ST6GALNAC3: variants seen among roughly 807,000 people sequenced by gnomAD.
ST6GALNAC3 encodes alpha-N-acetylgalactosaminide alpha-2,6-sialyltransferase 3.
ST6GALNAC3 carries 25 observed loss-of-function variants against 32.7 expected under a neutral mutation model. The observed-to-expected ratio is 0.76, with a 90% CI of 0.56 to 1.07. ST6GALNAC3 has a LOEUF of 1.07. ST6GALNAC3 is among the 50% of genes least tolerant of loss of function. ST6GALNAC3 has a pLI of 0.00. For synonymous variants in ST6GALNAC3, 129 were observed against 133.1 expected (o/e 0.97, Z 0.21); for missense variants, 355 against 382.4 (o/e 0.93, Z 0.60).
rs145454785 is a variant in ST6GALNAC3 at position 76,369,415 on chromosome 1, C to T, written c.214-42593C>T. Among the ~76,000 whole-genome samples the T allele has an allele frequency of 5.9e-5, 9 of 152,218 alleles. No homozygotes were observed. The East Asian group carries it at 1.7e-3, about 29-fold the overall frequency. On this transcript the variant is annotated intron_variant, in intron 2 of 4. Coordinates refer to ENST00000328299, the MANE Select transcript of ST6GALNAC3 (RefSeq NM_152996.4). ...AGCTCACTATGTGCCAGGTATTCAC[C>T]ATCTGTAAGTGATTTACCAGTAGTA...
chr1:76,539,554 G>C (rs1200772262), intron 3 of ST6GALNAC3, among the ~76,000 whole-genome samples: 2 of 152,082 alleles, frequency 1.3e-5, no homozygotes, highest in Admixed American at 6.6e-5. Context: ...CACAGCAAAA[G>C]AAACTATTGT....
chr1:76,423,201 T>A (rs891562640), intron 3 of ST6GALNAC3, among the ~76,000 whole-genome samples: 2 of 152,000 alleles, frequency 1.3e-5, no homozygotes, highest in African/African-American at 4.8e-5. Flanking sequence ...TTACCTCCAA[T>A]AATATGTAAT....
intron 3 of ST6GALNAC3, among the ~76,000 whole-genome samples, chr1:76,429,359 TA>T (rs1263210924): frequency 6.6e-6 from 1 of 152,172 alleles, no homozygotes; most frequent in Non-Finnish European, 1.5e-5. Context: ...TTGTTAGAAT[TA>T]AACTAGAAAT....
intron 1 of ST6GALNAC3, among the ~76,000 whole-genome samples, chr1:76,250,372 A>G (rs1275155895): frequency 1.3e-5 from 2 of 152,164 alleles, no homozygotes; most frequent in African/African-American, 4.8e-5. Flanking sequence ...GCATTTGGAC[A>G]CTGCAGCAAT....
intron 3 of ST6GALNAC3, among the ~76,000 whole-genome samples, chr1:76,611,199 T>G (rs1423127404): frequency 6.6e-6 from 1 of 151,968 alleles, no homozygotes; most frequent in African/African-American, 2.4e-5. Flanking sequence ...TCTTAAGGTA[T>G]AATAATGGTC....
intron 1 of ST6GALNAC3, among the ~76,000 whole-genome samples, chr1:76,270,319 C>T (rs1175520968): frequency 6.6e-6 from 1 of 151,702 alleles, no homozygotes; most frequent in East Asian, 1.9e-4. Flanking sequence ...CCAGCTTGGC[C>T]AACATGGTGA....
intron 1 of ST6GALNAC3, among the ~76,000 whole-genome samples, chr1:76,288,249 C>G (rs1310944088): frequency 6.6e-6 from 1 of 152,172 alleles, no homozygotes; most frequent in Non-Finnish European, 1.5e-5. Flanking sequence ...TGTATCTTCT[C>G]CAACCTTATA....
rs191228599 is a variant in ST6GALNAC3, at chr1:76,449,641, T to G, written c.623+37224T>G. On this transcript the variant is annotated intron_variant, in intron 3 of 4. Coordinates refer to ENST00000328299, the MANE Select transcript of ST6GALNAC3 (RefSeq NM_152996.4). Reference sequence around the variant, plus strand: ...CCATGATATTTCATTGTTACTTTAATTTGCAATCCCCTAATGCCATATGAT... The same window carrying G: ...CCATGATATTTCATTGTTACTTTAAGTTGCAATCCCCTAATGCCATATGAT... 1.5e-3 allele frequency among the ~76,000 whole-genome samples: 231 copies of G among 152,368 alleles called. 1 individual carries two copies. Among genetic ancestry groups the G allele is most frequent in the African/African-American group, 5.4e-3 (225 of 41,590 alleles).
chr1:76,419,944 C>CTTTTTTTTTTTTTTTTTTTTTT (rs66531652), intron 3 of ST6GALNAC3, among the ~76,000 whole-genome samples: 1 of 138,804 alleles, frequency 7.2e-6, no homozygotes, highest in African/African-American at 2.7e-5. Flanking sequence ...TTCTTTCTTT[C>CTTTTTTTTTTTTTTTTTTTTTT]TTTTTTTTTT....
rs138257841 is a variant in ST6GALNAC3 at position 76,615,262 on chromosome 1, G to C, written c.624-12190G>C. On this transcript the variant is annotated intron_variant, in intron 3 of 4. Coordinates refer to ENST00000328299, the MANE Select transcript of ST6GALNAC3 (RefSeq NM_152996.4). ...GGGTGAAGCTTTCACAAAATGCCAT[G>C]CCTCATGTTTCTCCTCTGAATATGT... Among the ~76,000 whole-genome samples the C allele has an allele frequency of 2.4e-4, 36 of 152,110 alleles. No individual in the cohort carries two copies. In the East Asian group the frequency reaches 4.8e-3, roughly 20 times the overall value.
rs188017095 is a variant in ST6GALNAC3 at position 76,541,173 on chromosome 1, T to C, written c.624-86279T>C. ...AATATTGAGCAGAGAAAGCAGAAGA[T>C]GAGTCTCTAGAAGTCGGATTACAGA... is the stretch of plus-strand genomic sequence containing the variant. On this transcript the variant is annotated intron_variant, in intron 3 of 4. Coordinates refer to ENST00000328299, the MANE Select transcript of ST6GALNAC3 (RefSeq NM_152996.4). Among the ~76,000 whole-genome samples, 187 of 152,250 alleles carry C rather than the reference T, an allele frequency of 1.2e-3. 1 individual carries two copies. Among genetic ancestry groups the C allele is most frequent in the Middle Eastern group, 3.4e-3 (1 of 294 alleles).
At chr1:76,211,702 G>A (rs922337338) in intron 1 of ST6GALNAC3, among the ~76,000 whole-genome samples, 8 of 151,878 alleles carry the variant, frequency 5.3e-5, no homozygotes, top group East Asian at 1.9e-4. Context: ...ACCAAACACC[G>A]CATGTTCTCG....
At chr1:76,299,915 G>GCA (rs1347664605) in intron 1 of ST6GALNAC3, among the ~76,000 whole-genome samples, 1 of 151,858 alleles carries the variant, frequency 6.6e-6, no homozygotes, top group Non-Finnish European at 1.5e-5. Flanking sequence ...GCTTTATGTA[G>GCA]CACCATTTCT....
At chr1:76,107,749 G>A (rs1274743550) in intron 1 of ST6GALNAC3, among the ~76,000 whole-genome samples, 1 of 152,138 alleles carries the variant, frequency 6.6e-6, no homozygotes, top group African/African-American at 2.4e-5. Flanking sequence ...GGGCTCATAG[G>A]AAGATGCAAT....
intron 3 of ST6GALNAC3, among the ~76,000 whole-genome samples, chr1:76,482,969 T>C (rs981887207): frequency 1.3e-5 from 2 of 148,200 alleles, no homozygotes; most frequent in African/African-American, 2.5e-5. Context: ...AGTGAGAACA[T>C]GTGGTGTTTG....
chr1:76,355,879 A>T (rs1215424013), intron 2 of ST6GALNAC3, among the ~76,000 whole-genome samples: 2 of 152,120 alleles, frequency 1.3e-5, no homozygotes, highest in Non-Finnish European at 2.9e-5. Flanking sequence ...TCGCTTTCCC[A>T]GATGGTATTG....
At chr1:76,202,271 T>TGG (rs1246835001) in intron 1 of ST6GALNAC3, among the ~76,000 whole-genome samples, 1 of 133,090 alleles carries the variant, frequency 7.5e-6, no homozygotes, top group Non-Finnish European at 1.5e-5. Flanking sequence ...TGCATGCATG[T>TGG]GTGTGTGTGT....
intron 3 of ST6GALNAC3, among the ~76,000 whole-genome samples, chr1:76,603,258 G>A (rs1022761509): frequency 1.3e-5 from 2 of 152,174 alleles, no homozygotes; most frequent in African/African-American, 4.8e-5. Context: ...TAGTACAGGT[G>A]TGTGAATGTT....
At chr1:76,440,834 T>A (rs1656525374) in intron 3 of ST6GALNAC3, among the ~76,000 whole-genome samples, 1 of 152,102 alleles carries the variant, frequency 6.6e-6, no homozygotes, top group Admixed American at 6.5e-5. Flanking sequence ...ATGCCTGTAA[T>A]CCCAGCATTT....
Sources: allele counts gnomAD v4.1 joint callset (sites outside exome capture counted in the v4.1 genomes callset), GRCh38; gene constraint gnomAD v4.1.1; transcripts MANE v1.5; gene names NCBI Gene and HGNC (gene_info 2026-07-23, HGNC 2026-07-21).